Variants in RBM26 observed in about 807,000 individuals in gnomAD.
The protein encoded by RBM26 is RNA-binding protein 26.
A neutral mutation model predicts 123.6 loss-of-function variants in RBM26; 30 were observed. The ratio of observed to expected loss-of-function variants is 0.24; its 90% CI spans 0.18 to 0.33. The LOEUF (loss-of-function observed/expected upper bound fraction) is 0.33. Ranked by LOEUF, RBM26 falls within the 10% of genes least tolerant of loss-of-function variation. The pLI is 1.00. For missense variants in RBM26, 947 were observed against 1,203.6 expected (o/e 0.79, Z 3.15); for synonymous variants, 400 against 404.4 (o/e 0.99, Z 0.13).
chr13:79,368,598 T>C, intron 6 of RBM26, 132 bp downstream of exon 6: 1 of 771,826 alleles, frequency 1.3e-6, no homozygotes, highest in East Asian at 2.6e-5. Context: ...ATTGAGGAAT[T>C]CAAAAAGTGA....
At chr13:79,341,040 G>C in intron 18 of RBM26, 83 bp downstream of exon 18, 1 of 706,346 alleles carries the variant, frequency 1.4e-6, no homozygotes, top group Non-Finnish European at 2.4e-6. Context: ...TGAGAATGAA[G>C]GGAAGGGAAT....
intron 9 of RBM26, among the ~76,000 whole-genome samples, chr13:79,362,639 T>C (rs1432054489): frequency 6.6e-6 from 1 of 152,216 alleles, no homozygotes. Context: ...AAAGGATTTT[T>C]GGTCTTATTC....
chr13:79,337,440 T>A, intron 18 of RBM26, 138 bp from the exon 19 acceptor site: 1 of 1,017,082 alleles, frequency 9.8e-7, no homozygotes, highest in Non-Finnish European at 1.4e-6. Flanking sequence ...TCACATAATT[T>A]AAATTGGGGT....
At chr13:79,380,058 T>A (rs546108666) in intron 1 of RBM26, among the ~76,000 whole-genome samples, 14 of 152,180 alleles carry the variant, frequency 9.2e-5, no homozygotes, top group African/African-American at 3.4e-4. Context: ...GCTGATAGAA[T>A]ACTCTGGTAG....
At chr13:79,318,697 T>C (rs1388626881), downstream of RBM26, 1 of 655,428 alleles carries the variant, frequency 1.5e-6, no homozygotes, top group Non-Finnish European at 1.9e-6. Flanking sequence ...TATTTTCAGT[T>C]ACATTGTAAG....
intron 5 of RBM26, among the ~76,000 whole-genome samples, chr13:79,370,640 T>C (rs531369051): frequency 6.6e-6 from 1 of 152,338 alleles, no homozygotes; most frequent in East Asian, 1.9e-4. Flanking sequence ...TAAGTGTAGT[T>C]TTAATATTTT....
chr13:79,332,159 T>C (rs1034851977), intron 20 of RBM26, among the ~76,000 whole-genome samples: 1 of 152,222 alleles, frequency 6.6e-6, no homozygotes, highest in Non-Finnish European at 1.5e-5. Flanking sequence ...ACAAGAACAA[T>C]GTAATGTTTG....
chr13:79,335,966 T>G (rs1263984480), intron 19 of RBM26, among the ~76,000 whole-genome samples: 1 of 152,154 alleles, frequency 6.6e-6, no homozygotes, highest in East Asian at 1.9e-4. Context: ...TTTATCCCTT[T>G]AAATCCACCA....
At chr13:79,358,770 A>G (rs959813778) in intron 10 of RBM26, among the ~76,000 whole-genome samples, 3 of 152,212 alleles carry the variant, frequency 2.0e-5, no homozygotes, top group Non-Finnish European at 2.9e-5. Context: ...TGATTCTGTA[A>G]AAGTCAGCTT....
chr13:79,405,652 C>T (rs1272932942), intron 1 of RBM26, 52 bp downstream of exon 1: 3 of 1,323,542 alleles, frequency 2.3e-6, no homozygotes, highest in Admixed American at 1.8e-5. Context: ...ATCTCTGGGT[C>T]CGCCTATCTC....
At chr13:79,397,532 G>C (rs2078679497) in intron 1 of RBM26, among the ~76,000 whole-genome samples, 1 of 148,406 alleles carries the variant, frequency 6.7e-6, no homozygotes, top group African/African-American at 2.6e-5. Context: ...AAAAAAAAAA[G>C]TTAGCCGGGT....
Position 79,342,803 on chromosome 13 carries a change from T to G in RBM26, c.2288A>C (p.Lys763Thr). 1 of 1,598,850 alleles carries G rather than the reference T, an allele frequency of 6.3e-7. No individual in the cohort carries two copies. The highest frequency in any genetic ancestry group is 8.5e-7 in the Non-Finnish European group (1 of 1,173,914). Residue 763 changes from lysine to threonine, a missense_variant, in exon 17 of 22, where the codon AAA becomes ACA. Transcript: ENST00000438737. ...TGCTTTATCTTCAGACTTCATTGTT[T>G]TGTTTTTCTCCAGTTTTGAAATTAA... The part of the protein sequence containing the change: ...KMLISKLEKN[K>T]TMKSEDKAEI...
Position 79,318,993 on chromosome 13 carries a change from C to G in RBM26, c.*1628G>C. On this transcript the variant is annotated 3_prime_UTR_variant, in exon 22 of 22. Transcript: ENST00000438737. ...TTAAATATATAAGTAAAAATAGTGA[C>G]TTTTTGAGCAAAGTCACTATTTTGA... 9 of 978,482 alleles carry G rather than the reference C, an allele frequency of 9.2e-6. No individual in the cohort carries two copies. The highest frequency in any genetic ancestry group is 1.1e-5 in the Non-Finnish European group (9 of 823,866). 60.6% of individuals were successfully genotyped at this position (978,482 alleles called of 1,614,324 possible).
At chr13:79,317,905 T>C (rs747813553), downstream of RBM26, among the ~76,000 whole-genome samples, 10 of 151,702 alleles carry the variant, frequency 6.6e-5, no homozygotes, top group Non-Finnish European at 1.5e-4. Flanking sequence ...CATTCATTCA[T>C]TAATTCATCC....
At chr13:79,375,007 T>TA (rs1300161841) in intron 3 of RBM26, among the ~76,000 whole-genome samples, 1 of 138,512 alleles carries the variant, frequency 7.2e-6, no homozygotes, top group Non-Finnish European at 1.6e-5. Context: ...AGCATACATA[T>TA]AATATATATA....
At chr13:79,397,530 AAGTT>A (rs1475824140) in intron 1 of RBM26, among the ~76,000 whole-genome samples, 1 of 151,542 alleles carries the variant, frequency 6.6e-6, no homozygotes, top group Non-Finnish European at 1.5e-5. Context: ...TGAAAAAAAA[AAGTT>A]AGCCGGGTGT....
Position 79,380,793 on chromosome 13 carries a change from C to T in RBM26, c.72-1886G>A, listed in dbSNP as rs553953663. Reference sequence around the variant, plus strand: ...CCTATCTCCCTACCACCCTTCCCAGCATTTGGTAACCACTATTCTACTTTC... The same window carrying T: ...CCTATCTCCCTACCACCCTTCCCAGTATTTGGTAACCACTATTCTACTTTC... On this transcript the variant is annotated intron_variant, in intron 1 of 21. Transcript: ENST00000438737. Among the ~76,000 whole-genome samples the T allele has an allele frequency of 2.8e-4, 43 of 152,174 alleles. No homozygotes were observed. The South Asian group carries it at 8.1e-3, about 29-fold the overall frequency.
At chr13:79,355,740 G>A (rs945314873) in intron 11 of RBM26, among the ~76,000 whole-genome samples, 1 of 152,118 alleles carries the variant, frequency 6.6e-6, no homozygotes, top group Non-Finnish European at 1.5e-5. Flanking sequence ...ATCTGAAGAA[G>A]GCAGTAAATT....
intron 15 of RBM26, 40 bp from the exon 16 acceptor site, chr13:79,344,362 A>C: frequency 7.3e-7 from 1 of 1,376,998 alleles, no homozygotes; most frequent in South Asian, 1.2e-5. Context: ...AATATTACTA[A>C]GGATAAACAA....
Sources: gnomAD v4.1 joint callset for allele counts (sites outside exome capture counted in the v4.1 genomes callset) on GRCh38, gnomAD v4.1.1 for gene constraint, MANE v1.5 for transcripts, NCBI Gene and HGNC (gene_info 2026-07-23, HGNC 2026-07-21) for gene names.